DNAH10: variants seen among roughly 807,000 people sequenced by gnomAD.
DNAH10 encodes dynein axonemal heavy chain 10.
A neutral mutation model predicts 506.6 loss-of-function variants in DNAH10; 348 were observed. That is an observed-to-expected ratio of 0.69 (90% CI 0.63 to 0.75). DNAH10 has a LOEUF of 0.75. Among genes scored for constraint, DNAH10 ranks in the 30% least tolerant of loss-of-function variants. The pLI is 0.00. For missense variants in DNAH10, 5,179 were observed against 5,787.1 expected (o/e 0.89, Z 3.41); for synonymous variants, 2,059 against 2,198.6 (o/e 0.94, Z 1.78).
chr12:123,847,972 G>GT lies in DNAH10; in HGVS notation c.5827dup (p.Tyr1943LeufsTer60). 1.2e-6 allele frequency: 2 copies of GT among 1,611,992 alleles called. No homozygotes were observed. The highest frequency in any genetic ancestry group is 2.2e-5 in the South Asian group (2 of 91,002). ...TTGGCTTATAACAGGCGCTGTCCAT[G>GT]TATCTAGGTGGGGCCCCCGCCGGCC... is the stretch of plus-strand genomic sequence containing the variant. On this transcript the variant is annotated frameshift_variant, in exon 33 of 79. Coordinates refer to ENST00000673944, the MANE Select transcript of DNAH10 (RefSeq NM_001372106.1). LOFTEE classifies it high-confidence loss of function.
chr12:123,835,656 G>A (rs1961057802), intron 28 of DNAH10, 128 bp downstream of exon 28: 1 of 1,365,066 alleles, frequency 7.3e-7, no homozygotes, highest in Admixed American at 2.4e-5. Context: ...ACAGGGTTTT[G>A]CTCTGTTGCC....
chr12:123,808,278 A>G (rs1005769124), intron 18 of DNAH10, among the ~76,000 whole-genome samples: 4 of 152,044 alleles, frequency 2.6e-5, no homozygotes, highest in African/African-American at 9.7e-5. Flanking sequence ...TGATCCTCCC[A>G]CCTCAGCCTC....
At position 123,893,445 on chromosome 12, in the gene DNAH10, G is replaced by A. The variant is rs114772660; in HGVS notation, c.9199+9G>A. 0.06 allele frequency: 96,118 copies of A among 1,611,892 alleles called. 3,238 individuals are homozygous for A. The highest frequency in any genetic ancestry group is 0.12 in the African/African-American group (8,905 of 74,948). On this transcript the variant is annotated intron_variant, in intron 53 of 78. Coordinates refer to ENST00000673944, the MANE Select transcript of DNAH10 (RefSeq NM_001372106.1). Reference sequence around the variant, plus strand: ...GTGCAGAAACTTCCCAGGTACCCGCGGTGGAGCCTGTGAACCCATTTCCCC... The same window carrying A: ...GTGCAGAAACTTCCCAGGTACCCGCAGTGGAGCCTGTGAACCCATTTCCCC...
At position 123,785,833 on chromosome 12, in the gene DNAH10, C is replaced by T. The variant is rs200542157; in HGVS notation, c.1318C>T (p.Arg440Ter). ...SALRMVWIIS[R>*]HYNKDERMIP... ...CCTGCGGATGGTGTGGATCATCTCC[C>T]GACACTACAACAAAGACGAGAGGAT... The change falls in exon 9 of 79, where the codon CGA becomes TGA. Residue 440 changes from arginine to a stop codon, truncating the protein, a stop_gained. Coordinates refer to ENST00000673944, the MANE Select transcript of DNAH10 (RefSeq NM_001372106.1). LOFTEE classifies it high-confidence loss of function. This position sits in a 1 kb window ranked among gnomAD's most constrained non-coding sequence, Gnocchi z 4.1. 76 of 1,614,052 alleles carry T rather than the reference C, an allele frequency of 4.7e-5. No individual in the cohort carries two copies. The highest frequency in any genetic ancestry group is 2.2e-5 in the East Asian group (1 of 44,884).
At chr12:123,888,449 C>A (rs1004238408) in intron 52 of DNAH10, among the ~76,000 whole-genome samples, 1 of 152,064 alleles carries the variant, frequency 6.6e-6, no homozygotes, top group Admixed American at 6.5e-5. Flanking sequence ...TAGGGTGGGT[C>A]CTAAATCCAG....
At chr12:123,871,397 C>T (rs117975072) in intron 44 of DNAH10, 60 bp from the exon 45 acceptor site, 83,047 of 1,543,862 alleles carry the variant, frequency 0.054, 2,520 homozygotes, top group Non-Finnish European at 0.062. Context: ...CTCCATGTTG[C>T]CCCCAGTGCT....
chr12:123,816,319 G>C lies in DNAH10; in HGVS notation c.3780+2407G>C, dbSNP rs146867484. On this transcript the variant is annotated intron_variant, in intron 21 of 78. Transcript: ENST00000673944. ...ATTTAGAGGTTTGGAACTTTCAGGC[G>C]CCCATCTTTGCCACCCTTGGGGAGG... Among the ~76,000 whole-genome samples, 373 of 152,270 alleles carry C rather than the reference G, an allele frequency of 2.4e-3. 1 individual carries two copies. Among genetic ancestry groups the C allele is most frequent in the African/African-American group, 8.3e-3 (344 of 41,562 alleles).
chr12:123,822,787 C>A lies in DNAH10; in HGVS notation c.4179+2029C>A, dbSNP rs144981516. 1.1e-3 allele frequency among the ~76,000 whole-genome samples: 164 copies of A among 152,316 alleles called. 1 individual carries two copies. Among genetic ancestry groups the A allele is most frequent in the African/African-American group, 3.1e-3 (128 of 41,570 alleles). On this transcript the variant is annotated intron_variant, in intron 24 of 78. Coordinates refer to ENST00000673944, the MANE Select transcript of DNAH10 (RefSeq NM_001372106.1). Reference sequence around the variant, plus strand: ...GTCCAAGTCCGAATGCGGGAGAACACTGACGTCCCAGCTTGAAGACAGTCA... The same window carrying A: ...GTCCAAGTCCGAATGCGGGAGAACAATGACGTCCCAGCTTGAAGACAGTCA...
Position 123,806,793 on chromosome 12 carries a change from A to G in DNAH10, c.2987+1753A>G, listed in dbSNP as rs578048868. On this transcript the variant is annotated intron_variant, in intron 18 of 78. Transcript: ENST00000673944. ...GTTTTTTTTTTTTTTTTTGAGACGG[A>G]GTCTTGCTCTGTTGCCCAGGCTGGA... is the stretch of plus-strand genomic sequence containing the variant. 6.7e-3 allele frequency among the ~76,000 whole-genome samples: 877 copies of G among 130,790 alleles called. 2 individuals carry two copies. The highest frequency in any genetic ancestry group is 0.011 in the Non-Finnish European group (709 of 63,480). The allele number at this position is 130,790 out of a possible 152,430, so 85.8% of individuals were successfully genotyped here.
At chr12:123,838,933 G>T (rs1922256) in intron 29 of DNAH10, among the ~76,000 whole-genome samples, 12,603 of 152,164 alleles carry the variant, frequency 0.083, 1,522 homozygotes, top group African/African-American at 0.26. Flanking sequence ...CACCTCAGCT[G>T]CCTGAGTGGC....
At chr12:123,921,716 T>G (rs1313082274) in intron 65 of DNAH10, among the ~76,000 whole-genome samples, 1 of 80,004 alleles carries the variant, frequency 1.2e-5, no homozygotes, top group Non-Finnish European at 2.6e-5. Flanking sequence ...TTTTTTTTTT[T>G]TTTTTTTTTT....
In DNAH10 at chr12:123,771,615, C is replaced by T; in HGVS notation, c.313C>T (p.Leu105=). Residue 105 remains leucine, a synonymous_variant, in exon 3 of 79, where the codon CTG becomes TTG. Transcript: ENST00000673944. ...VDKVRAKRVS[L]RTESLGQPLN... Reference sequence around the variant, plus strand: ...CTGTTTTGCAGCTAAGCGTGTGTCACTGAGAACCGAATCTCTAGGCCAACC... The same window carrying T: ...CTGTTTTGCAGCTAAGCGTGTGTCATTGAGAACCGAATCTCTAGGCCAACC... The T allele has an allele frequency of 6.2e-7, 1 of 1,613,618 alleles. No homozygotes were observed.
Position 123,813,750 on chromosome 12 carries a change from A to C in DNAH10, c.3622-4A>C, listed in dbSNP as rs765151294. ...CTTAGTGTTCTTTGTACTTTCTGTT[A>C]TAGCACCTGGCCAAAAACCTTAGGA... On this transcript the variant is annotated splice_polypyrimidine_tract_variant and splice_region_variant and intron_variant, in intron 20 of 78. Coordinates refer to ENST00000673944, the MANE Select transcript of DNAH10 (RefSeq NM_001372106.1). The C allele has an allele frequency of 6.2e-7, 1 of 1,613,516 alleles. No individual in the cohort carries two copies. Among genetic ancestry groups the C allele is most frequent in the Non-Finnish European group, 8.5e-7 (1 of 1,179,912 alleles).
At chr12:123,882,734 G>A (rs1293161875) in intron 51 of DNAH10, among the ~76,000 whole-genome samples, 1 of 140,944 alleles carries the variant, frequency 7.1e-6, no homozygotes, top group Non-Finnish European at 1.5e-5. Flanking sequence ...AGAGGTTGCA[G>A]TGAGCTGAGG....
At chr12:123,890,757 C>T (rs1045103929) in intron 52 of DNAH10, among the ~76,000 whole-genome samples, 11 of 152,000 alleles carry the variant, frequency 7.2e-5, no homozygotes, top group African/African-American at 1.2e-4. Context: ...GGTGGATTCA[C>T]GAGGTATTCA....
Position 123,867,415 on chromosome 12 carries a change from C to G in DNAH10, c.7168-52C>G. 1.9e-6 allele frequency: 3 copies of G among 1,567,566 alleles called. No individual in the cohort carries two copies. The South Asian group carries it at 3.6e-5, about 19-fold the overall frequency. On this transcript the variant is annotated intron_variant, in intron 41 of 78. Transcript: ENST00000673944. ...GGCAAGAAAAGCTTTCCACTAACTTCCATTTAAATAAACAAACCCTTGAAA... is the reference window on the plus strand; with the variant it reads ...GGCAAGAAAAGCTTTCCACTAACTTGCATTTAAATAAACAAACCCTTGAAA...
At chr12:123,828,974 C>G (rs1406259537) in intron 25 of DNAH10, among the ~76,000 whole-genome samples, 1 of 152,198 alleles carries the variant, frequency 6.6e-6, no homozygotes, top group East Asian at 1.9e-4. Flanking sequence ...TGTGGACCCT[C>G]TAATCCACCA....
At chr12:123,888,298 T>G (rs1952828809) in intron 52 of DNAH10, among the ~76,000 whole-genome samples, 1 of 152,148 alleles carries the variant, frequency 6.6e-6, no homozygotes, top group Non-Finnish European at 1.5e-5. Flanking sequence ...CTGAGGAAAC[T>G]GAGGCCCCTG....
rs747964746 is a variant in DNAH10 at position 123,881,656 on chromosome 12, C to A, written c.8666C>A (p.Thr2889Asn). The A allele has an allele frequency of 6.5e-7, 1 of 1,540,160 alleles. No individual in the cohort carries two copies. The highest frequency in any genetic ancestry group is 8.7e-7 in the Non-Finnish European group (1 of 1,143,660). The change falls in exon 51 of 79, where the codon ACC becomes AAC. Residue 2889 changes from threonine to asparagine, a missense_variant. This residue lies in a region of DNAH10 where 4,844 missense variants were observed against 5,430.5 expected (regional missense o/e 0.89). Coordinates refer to ENST00000673944, the MANE Select transcript of DNAH10 (RefSeq NM_001372106.1). ...CTTGAAGAGTATAATGAAAGCAACACCAAAATGAACTTGGTTCTCTTCGAC... is the reference window on the plus strand; with the variant it reads ...CTTGAAGAGTATAATGAAAGCAACAACAAAATGAACTTGGTTCTCTTCGAC... ...EILEEYNESN[T>N]KMNLVLFDDA...
Sources: gnomAD v4.1 joint callset for allele counts (sites outside exome capture counted in the v4.1 genomes callset) on GRCh38, gnomAD v4.1.1 for gene constraint, gnomAD v4.1.1 regional missense constraint, Gnocchi (gnomAD v3.1) non-coding constraint, MANE v1.5 for transcripts, NCBI Gene and HGNC (gene_info 2026-07-23, HGNC 2026-07-21) for gene names.